The following SEMA5A variants were observed in gnomAD, a reference collection of about 807,000 sequenced individuals.
SEMA5A encodes the protein semaphorin-5A.
Under a neutral mutation model 135.5 loss-of-function variants are expected in SEMA5A, and 55 were observed. The ratio of observed to expected loss-of-function variants is 0.41; its 90% CI spans 0.33 to 0.51. SEMA5A has a LOEUF of 0.51. Ranked by LOEUF, SEMA5A falls within the 20% of genes least tolerant of loss-of-function variation. The probability of loss-of-function intolerance (pLI) is 0.37; values close to 1 mark genes in which losing one functional copy is unlikely to be tolerated. For synonymous variants in SEMA5A, 580 were observed against 546.5 expected, an observed-to-expected ratio of 1.06 and a Z score of -0.85; for missense variants, 1,290 against 1,419.9, an observed-to-expected ratio of 0.91 and a Z score of 1.47.
At chr5:9,219,024 G>A (rs1385272590) in intron 8 of SEMA5A, among the ~76,000 whole-genome samples, 1 of 152,222 alleles carries the variant, frequency 6.6e-6, no homozygotes, top group African/African-American at 2.4e-5. Context: ...TTCTCACAAT[G>A]TCCAGGTCAG....
rs540095738 is a variant in SEMA5A, at chr5:9,205,073, A to T, written c.647-2833T>A. On this transcript the variant is annotated intron_variant, in intron 8 of 22. Transcript: ENST00000382496. ...AAAAGTTTAGGGACCACTGCATTAC[A>T]CTATACTGAAAAAAATAAATAGTGC... Among the ~76,000 whole-genome samples the T allele has an allele frequency of 6.4e-4, 98 of 152,228 alleles. 3 individuals carry two copies. The South Asian group carries it at 0.02, about 31-fold the overall frequency.
At chr5:9,211,759 C>T (rs1167971633) in intron 8 of SEMA5A, among the ~76,000 whole-genome samples, 1 of 152,164 alleles carries the variant, frequency 6.6e-6, no homozygotes. Flanking sequence ...TTTTAAAGAC[C>T]TCAAGGGTCT....
chr5:9,139,826 G>A (rs1296118897), intron 12 of SEMA5A, among the ~76,000 whole-genome samples: 2 of 152,074 alleles, frequency 1.3e-5, no homozygotes, highest in Non-Finnish European at 2.9e-5. Context: ...TAAAGATTAA[G>A]CATCAAACAT....
At chr5:9,423,978 T>G (rs1198600842) in intron 2 of SEMA5A, among the ~76,000 whole-genome samples, 3 of 152,082 alleles carry the variant, frequency 2.0e-5, no homozygotes, top group African/African-American at 4.8e-5. Context: ...TGGGGAAAAA[T>G]TATAACAATT....
At chr5:9,071,298 C>T (rs959207766) in intron 16 of SEMA5A, among the ~76,000 whole-genome samples, 53 of 152,192 alleles carry the variant, frequency 3.5e-4, no homozygotes, top group African/African-American at 1.3e-3. Context: ...TCCTTCTGTC[C>T]TCTCCATCTT....
At chr5:9,385,989 A>G (rs1007348591) in intron 2 of SEMA5A, among the ~76,000 whole-genome samples, 2 of 151,798 alleles carry the variant, frequency 1.3e-5, no homozygotes, top group African/African-American at 4.8e-5. Flanking sequence ...TTTAGTAGAG[A>G]CAGGGTTTCA....
At chr5:9,168,534 G>A (rs1560983372) in intron 11 of SEMA5A, among the ~76,000 whole-genome samples, 1 of 152,178 alleles carries the variant, frequency 6.6e-6, no homozygotes, top group Non-Finnish European at 1.5e-5. Flanking sequence ...TGGGTGAGGG[G>A]GAGGAGGATG....
intron 1 of SEMA5A, among the ~76,000 whole-genome samples, chr5:9,439,205 A>G (rs1758143945): frequency 6.6e-6 from 1 of 152,224 alleles, no homozygotes. Flanking sequence ...TGAAGCCAAA[A>G]GAGGAGCCAG....
intron 2 of SEMA5A, among the ~76,000 whole-genome samples, chr5:9,433,344 A>G (rs1579532632): frequency 6.6e-6 from 1 of 152,312 alleles, no homozygotes; most frequent in East Asian, 1.9e-4. Flanking sequence ...CTAAGCACTG[A>G]TTAAAATCAT....
At chr5:9,063,870 C>G (rs1236467130) in intron 17 of SEMA5A, among the ~76,000 whole-genome samples, 51 of 152,318 alleles carry the variant, frequency 3.3e-4, no homozygotes, top group Non-Finnish European at 5.9e-5. Flanking sequence ...ACAGTGAGCA[C>G]TTTCACTTGT....
At chr5:9,543,550 T>A (rs977206316) in intron 1 of SEMA5A, among the ~76,000 whole-genome samples, 4 of 152,216 alleles carry the variant, frequency 2.6e-5, no homozygotes, top group Non-Finnish European at 1.5e-5. Context: ...TTTGACATTA[T>A]AACAACCAAA....
chr5:9,360,519 T>G (rs1561185170), intron 3 of SEMA5A, among the ~76,000 whole-genome samples: 2 of 152,192 alleles, frequency 1.3e-5, no homozygotes, highest in African/African-American at 4.8e-5. Flanking sequence ...CCTTGCTTTT[T>G]AAAACAACAC....
At chr5:9,452,505 G>T (rs2126707933) in intron 1 of SEMA5A, among the ~76,000 whole-genome samples, 1 of 152,266 alleles carries the variant, frequency 6.6e-6, no homozygotes, top group African/African-American at 2.4e-5. Flanking sequence ...TTCCAGCCCT[G>T]CCTCTAATTG....
chr5:9,514,082 G>C (rs934153604), intron 1 of SEMA5A, among the ~76,000 whole-genome samples: 1 of 152,148 alleles, frequency 6.6e-6, no homozygotes, highest in African/African-American at 2.4e-5. Flanking sequence ...GCCTTTTCCA[G>C]CTTCTAGAGC....
intron 11 of SEMA5A, among the ~76,000 whole-genome samples, chr5:9,162,139 CAAG>C (rs1052509602): frequency 2.5e-4 from 38 of 152,028 alleles, no homozygotes; most frequent in African/African-American, 8.9e-4. Flanking sequence ...TTCTATCTAC[CAAG>C]AAGTCAAGTT....
At chr5:9,480,458 T>A (rs1027309324) in intron 1 of SEMA5A, among the ~76,000 whole-genome samples, 1 of 152,084 alleles carries the variant, frequency 6.6e-6, no homozygotes, top group Non-Finnish European at 1.5e-5. Flanking sequence ...GGACACAGCA[T>A]TAATAATTCA....
chr5:9,336,759 G>A (rs1753408566), intron 4 of SEMA5A, among the ~76,000 whole-genome samples: 1 of 152,174 alleles, frequency 6.6e-6, no homozygotes, highest in African/African-American at 2.4e-5. Context: ...TTTATCTAGA[G>A]TGCCCAGACT....
At chr5:9,190,225 G>A (rs2150346414) in intron 11 of SEMA5A, 42 bp downstream of exon 11, 2 of 1,582,750 alleles carry the variant, frequency 1.3e-6, no homozygotes, top group East Asian at 2.3e-5. Flanking sequence ...CACAAAATCA[G>A]AAGATGGTAG....
chr5:9,428,895 T>G (rs752109190), intron 2 of SEMA5A, among the ~76,000 whole-genome samples: 2 of 152,202 alleles, frequency 1.3e-5, no homozygotes, highest in Non-Finnish European at 2.9e-5. Context: ...CATATACGTA[T>G]TCAGTGCTTA....
Sources: gnomAD v4.1 joint callset for allele counts (sites outside exome capture counted in the v4.1 genomes callset) on GRCh38, gnomAD v4.1.1 for gene constraint, MANE v1.5 for transcripts, NCBI Gene and HGNC (gene_info 2026-07-23, HGNC 2026-07-21) for gene names.